Variants in PARD3 observed in about 807,000 individuals in gnomAD.
The protein encoded by PARD3 is partitioning defective 3 homolog.
Under a neutral mutation model 155.4 loss-of-function variants are expected in PARD3, and 75 were observed. That is an observed-to-expected ratio of 0.48 (90% CI 0.40 to 0.58). The LOEUF (loss-of-function observed/expected upper bound fraction) is 0.58, where lower values mean the gene tolerates loss of function less well. Among genes scored for constraint, PARD3 ranks in the 20% least tolerant of loss-of-function variants. The pLI, the probability that PARD3 is intolerant of heterozygous loss-of-function variation, is 0.00. For synonymous variants in PARD3, 576 were observed against 610.5 expected, an observed-to-expected ratio of 0.94 and a Z score of 0.83; for missense variants, 1,642 against 1,721.7, an observed-to-expected ratio of 0.95 and a Z score of 0.82.
At chr10:34,452,654 C>T (rs1033855253) in intron 4 of PARD3, among the ~76,000 whole-genome samples, 1 of 152,086 alleles carries the variant, frequency 6.6e-6, no homozygotes, top group African/African-American at 2.4e-5. Context: ...GCGCTATGGA[C>T]TGCTGATTAT....
intron 4 of PARD3, among the ~76,000 whole-genome samples, chr10:34,451,592 C>A (rs1256366679): frequency 6.6e-6 from 1 of 152,058 alleles, no homozygotes; most frequent in Non-Finnish European, 1.5e-5. Flanking sequence ...GGGAATAAAA[C>A]TTAAAAATGA....
intron 8 of PARD3, among the ~76,000 whole-genome samples, 178 bp downstream of exon 8, chr10:34,383,951 A>T (rs1234923295): frequency 1.3e-5 from 2 of 152,196 alleles, no homozygotes; most frequent in African/African-American, 4.8e-5. Flanking sequence ...GACATTTTGA[A>T]ATATAGTCTA....
intron 1 of PARD3, among the ~76,000 whole-genome samples, chr10:34,718,627 C>A (rs1267912573): frequency 1.3e-5 from 2 of 151,806 alleles, no homozygotes; most frequent in Non-Finnish European, 2.9e-5. Context: ...CCACTGTACT[C>A]CAGCCTGGGC....
chr10:34,238,543 C>T (rs550013691), intron 22 of PARD3, among the ~76,000 whole-genome samples: 70 of 152,206 alleles, frequency 4.6e-4, no homozygotes, highest in African/African-American at 1.7e-3. Context: ...GACAAAGAAG[C>T]TGGTAGCCAA....
At chr10:34,716,459 A>G (rs1478916809) in intron 1 of PARD3, among the ~76,000 whole-genome samples, 1 of 152,202 alleles carries the variant, frequency 6.6e-6, no homozygotes, top group Non-Finnish European at 1.5e-5. Flanking sequence ...AACAACAATA[A>G]AACTTGTAAC....
intron 15 of PARD3, 73 bp downstream of exon 15, chr10:34,347,892 C>T (rs7077783): frequency 0.16 from 184,014 of 1,186,742 alleles, 17,764 homozygotes; most frequent in African/African-American, 0.43. Flanking sequence ...ATTAATATTA[C>T]ACCAATAACC....
At chr10:34,204,020 A>C (rs774862779) in intron 22 of PARD3, among the ~76,000 whole-genome samples, 2 of 152,258 alleles carry the variant, frequency 1.3e-5, no homozygotes, top group Non-Finnish European at 1.5e-5. Context: ...TTCATAAGTC[A>C]GAGTTCTATC....
intron 5 of PARD3, among the ~76,000 whole-genome samples, chr10:34,408,778 G>A (rs1230349685): frequency 1.1e-4 from 17 of 150,784 alleles, no homozygotes; most frequent in Non-Finnish European, 1.5e-5. Flanking sequence ...TATTCTGCCA[G>A]AATAAAAACA....
intron 22 of PARD3, among the ~76,000 whole-genome samples, chr10:34,155,918 C>T (rs1259506024): frequency 6.6e-5 from 10 of 152,112 alleles, no homozygotes; most frequent in Admixed American, 6.5e-4. Context: ...GGTTGACTTA[C>T]AAAAGCAGTA....
chr10:34,628,197 A>C (rs1191229693), intron 2 of PARD3, among the ~76,000 whole-genome samples: 1 of 152,222 alleles, frequency 6.6e-6, no homozygotes, highest in Non-Finnish European at 1.5e-5. Flanking sequence ...AGGAGCTTAG[A>C]CAAGATTTTC....
intron 3 of PARD3, among the ~76,000 whole-genome samples, chr10:34,494,424 G>A (rs1030921517): frequency 4.6e-5 from 7 of 152,174 alleles, no homozygotes; most frequent in Non-Finnish European, 7.3e-5. Context: ...AACCGTACTG[G>A]GAAGCTGCTG....
intron 5 of PARD3, among the ~76,000 whole-genome samples, chr10:34,434,206 G>A (rs1564708874): frequency 6.6e-6 from 1 of 151,892 alleles, no homozygotes; most frequent in South Asian, 2.1e-4. Flanking sequence ...ACTAGAGTGA[G>A]TTCAGCAGGG....
At chr10:34,550,044 G>A (rs937610261) in intron 2 of PARD3, among the ~76,000 whole-genome samples, 3 of 152,060 alleles carry the variant, frequency 2.0e-5, no homozygotes, top group African/African-American at 7.2e-5. Flanking sequence ...CATCCTGGCC[G>A]ACTACGTTAA....
At chr10:34,797,478 G>A (rs541649284) in intron 1 of PARD3, among the ~76,000 whole-genome samples, 1 of 152,246 alleles carries the variant, frequency 6.6e-6, no homozygotes, top group East Asian at 1.9e-4. Context: ...ATGTAGAAAA[G>A]GAATCCCTTA....
At chr10:34,375,144 A>T (rs2134669518) in intron 10 of PARD3, 142 bp from the exon 11 acceptor site, 1 of 648,200 alleles carries the variant, frequency 1.5e-6, no homozygotes, top group East Asian at 2.8e-5. Context: ...TTCATGCACA[A>T]TTCTGCCATG....
intron 2 of PARD3, among the ~76,000 whole-genome samples, chr10:34,625,153 G>T (rs986542207): frequency 1.3e-5 from 2 of 152,198 alleles, no homozygotes; most frequent in African/African-American, 2.4e-5. Flanking sequence ...AACTGAGTGT[G>T]CCTGTAGATT....
At chr10:34,683,530 C>T (rs192625812) in intron 2 of PARD3, among the ~76,000 whole-genome samples, 14 of 149,638 alleles carry the variant, frequency 9.4e-5, no homozygotes, top group Non-Finnish European at 1.9e-4. Flanking sequence ...CTCCACAGCC[C>T]ACCATACGAG....
intron 2 of PARD3, among the ~76,000 whole-genome samples, chr10:34,682,679 G>A (rs892866739): frequency 1.4e-4 from 21 of 152,052 alleles, no homozygotes; most frequent in African/African-American, 5.1e-4. Context: ...CTAGGATCAC[G>A]TCACTGCACT....
At chr10:34,750,326 T>A (rs1038285058) in intron 1 of PARD3, among the ~76,000 whole-genome samples, 1 of 151,464 alleles carries the variant, frequency 6.6e-6, no homozygotes, top group Non-Finnish European at 1.5e-5. Flanking sequence ...TATTAATCTA[T>A]GGAAAATAGG....
Sources: gnomAD v4.1 joint callset for allele counts (sites outside exome capture counted in the v4.1 genomes callset) on GRCh38, gnomAD v4.1.1 for gene constraint, MANE v1.5 for transcripts, NCBI Gene and HGNC (gene_info 2026-07-23, HGNC 2026-07-21) for gene names.